The following CHURC1 variants were observed in gnomAD, a reference collection of about 807,000 sequenced individuals.
CHURC1 encodes protein Churchill.
In CHURC1, 12 loss-of-function variants were observed where a neutral mutation model predicts 15.4. That is an observed-to-expected ratio of 0.78 (90% CI 0.50 to 1.27). The LOEUF is 1.27. Ranked by LOEUF, CHURC1 falls within the 50% of genes most tolerant of loss-of-function variation. CHURC1 has a pLI of 0.00. For synonymous variants in CHURC1, 42 were observed against 47.5 expected (o/e 0.88, Z 0.48); for missense variants, 132 against 137.8 (o/e 0.96, Z 0.21).
At chr14:64,919,069 T>C (rs753343018) in intron 1 of CHURC1, among the ~76,000 whole-genome samples, 7 of 152,228 alleles carry the variant, frequency 4.6e-5, no homozygotes, top group Non-Finnish European at 7.3e-5. Context: ...TGAACCATAC[T>C]AATTTTCTGA....
chr14:64,917,986 A>T (rs797018527), intron 1 of CHURC1, among the ~76,000 whole-genome samples: 6 of 152,244 alleles, frequency 3.9e-5, no homozygotes, highest in African/African-American at 1.2e-4. Context: ...GGGTACAACT[A>T]TGTAGATAGA....
rs1008951828 is a variant in CHURC1 at position 64,932,593 on chromosome 14, A to G, written c.*363A>G. 2.2e-5 allele frequency: 8 copies of G among 356,162 alleles called. No homozygotes were observed. The highest frequency in any genetic ancestry group is 6.1e-5 in the Admixed American group (1 of 16,350). The allele number at this position is 356,162 out of a possible 1,614,324, so 22.1% of individuals were successfully genotyped here. A position where few individuals can be genotyped will look rare whatever the true frequency, so the allele number is the denominator to read the frequency against. ...CTAGAACTGGGATATGAACTGTACA[A>G]GATGAGCCTAGAGTATCTTGTGCCA... On this transcript the variant is annotated 3_prime_UTR_variant, in exon 4 of 4. Transcript: ENST00000549115.
chr14:64,920,041 G>A (rs550117872), intron 1 of CHURC1, among the ~76,000 whole-genome samples: 62 of 152,118 alleles, frequency 4.1e-4, no homozygotes, highest in Non-Finnish European at 8.1e-4. Flanking sequence ...AAGAAAAACC[G>A]TATTTTCCAT....
At position 64,932,276 on chromosome 14, in the gene CHURC1, A is replaced by G. The variant is rs759947536; in HGVS notation, c.*46A>G. 1 of 1,601,812 alleles carries G rather than the reference A, an allele frequency of 6.2e-7. No homozygotes were observed. Among genetic ancestry groups the G allele is most frequent in the East Asian group, 2.2e-5 (1 of 44,660 alleles). The stretch of plus-strand genomic sequence containing the variant: ...TATAACTATATTGTGTTGGTTTACA[A>G]TACAGCAAGCCTGATGGTTTGTCTT... On this transcript the variant is annotated 3_prime_UTR_variant, in exon 4 of 4. Coordinates refer to ENST00000549115, the MANE Select transcript of CHURC1 (RefSeq NM_001386928.1).
intron 3 of CHURC1, among the ~76,000 whole-genome samples, chr14:64,929,499 C>A (rs1056630841): frequency 1.3e-5 from 2 of 152,242 alleles, no homozygotes; most frequent in Non-Finnish European, 2.9e-5. Flanking sequence ...CTGTCCTTGT[C>A]CCCACCCTAC....
intron 1 of CHURC1, among the ~76,000 whole-genome samples, chr14:64,918,776 T>C (rs1362604205): frequency 6.6e-6 from 1 of 152,090 alleles, no homozygotes; most frequent in Non-Finnish European, 1.5e-5. Flanking sequence ...GAGGCTCCAG[T>C]GAGCTAAGAT....
intron 1 of CHURC1, among the ~76,000 whole-genome samples, chr14:64,917,580 CAAA>C (rs200372223): frequency 1.3e-5 from 2 of 151,156 alleles, no homozygotes; most frequent in Non-Finnish European, 3.0e-5. Flanking sequence ...AATAAACAAA[CAAA>C]AAAAAACCAC....
intron 1 of CHURC1, among the ~76,000 whole-genome samples, chr14:64,920,119 G>GA (rs1256773329): frequency 2.6e-5 from 4 of 151,614 alleles, no homozygotes; most frequent in East Asian, 1.9e-4. Flanking sequence ...TAATTTGCTG[G>GA]AAAAAAAATT....
chr14:64,923,787 CTTTTTTTT>C (rs60825476), intron 1 of CHURC1, among the ~76,000 whole-genome samples, 196 bp from the exon 2 acceptor site: 3 of 77,072 alleles, frequency 3.9e-5, no homozygotes, highest in African/African-American at 1.4e-4. Flanking sequence ...ACTTTAGTTG[CTTTTTTTT>C]TTTTTTTTTT....
chr14:64,926,230 T>TTTTTG (rs1884686623), intron 3 of CHURC1, 150 bp downstream of exon 3: 6 of 413,226 alleles, frequency 1.5e-5, no homozygotes, highest in African/African-American at 1.1e-4. Flanking sequence ...TTTTTTTTTT[T>TTTTTG]GAGATGGTGT....
chr14:64,925,392 G>T (rs184603147), intron 2 of CHURC1, among the ~76,000 whole-genome samples: 1 of 152,132 alleles, frequency 6.6e-6, no homozygotes, highest in African/African-American at 2.4e-5. Flanking sequence ...GTCCAGCTGG[G>T]ATGGGTGCGG....
intron 1 of CHURC1, among the ~76,000 whole-genome samples, chr14:64,915,374 G>A (rs1383952440): frequency 6.6e-5 from 10 of 152,194 alleles, no homozygotes; most frequent in Admixed American, 2.0e-4. Flanking sequence ...GGGAGTATGT[G>A]ACTAACAAAA....
intron 3 of CHURC1, among the ~76,000 whole-genome samples, chr14:64,929,136 ATCT>A (rs1408270852): frequency 6.6e-6 from 1 of 152,108 alleles, no homozygotes; most frequent in Non-Finnish European, 1.5e-5. Flanking sequence ...CATCAAGTTA[ATCT>A]TCTTAAACAT....
chr14:64,925,696 CAA>C (rs3033506), intron 2 of CHURC1, among the ~76,000 whole-genome samples: 11 of 66,170 alleles, frequency 1.7e-4, no homozygotes, highest in Admixed American at 1.9e-4. Context: ...GACCCGGCCT[CAA>C]AAAAAAAAAA....
chr14:64,926,829 A>G (rs751288838), intron 3 of CHURC1, among the ~76,000 whole-genome samples: 18 of 152,348 alleles, frequency 1.2e-4, no homozygotes, highest in Admixed American at 6.5e-4. Flanking sequence ...TTGTGAGAGT[A>G]TGTGAAGAAT....
Position 64,934,339 on chromosome 14 carries a change from C to A in CHURC1, c.*2109C>A. 1 of 785,290 alleles carries A rather than the reference C, an allele frequency of 1.3e-6. No individual in the cohort carries two copies. Among genetic ancestry groups the A allele is most frequent in the Non-Finnish European group, 1.5e-6 (1 of 647,306 alleles). 48.6% of individuals were successfully genotyped at this position (785,290 alleles called of 1,614,324 possible). A position where few individuals can be genotyped will look rare whatever the true frequency, so the allele number is the denominator to read the frequency against. ...CTCCAGCCTGGGAGACAGAGCAAGA[C>A]TCCATCTCAAAAACAAAAACAAAAC... On this transcript the variant is annotated 3_prime_UTR_variant, in exon 4 of 4. Coordinates refer to ENST00000549115, the MANE Select transcript of CHURC1 (RefSeq NM_001386928.1).
At chr14:64,920,398 C>A (rs4899152) in intron 1 of CHURC1, among the ~76,000 whole-genome samples, 40,202 of 151,958 alleles carry the variant, frequency 0.26, 6,079 homozygotes, top group African/African-American at 0.41. Flanking sequence ...GCCTGAAAAC[C>A]TTCCCTGAAT....
intron 2 of CHURC1, chr14:64,924,417 A>G (rs756395767): frequency 4.9e-6 from 1 of 203,652 alleles, no homozygotes; most frequent in Non-Finnish European, 9.9e-6. Context: ...TGCTGCCTTA[A>G]CAAGATATAC....
At chr14:64,929,842 G>A (rs1289243324) in intron 3 of CHURC1, among the ~76,000 whole-genome samples, 1 of 151,940 alleles carries the variant, frequency 6.6e-6, no homozygotes, top group Non-Finnish European at 1.5e-5. Flanking sequence ...GCAAGACTAG[G>A]GAGAAAGTGG....
Sources: gnomAD v4.1 joint callset for allele counts (sites outside exome capture counted in the v4.1 genomes callset) on GRCh38, gnomAD v4.1.1 for gene constraint, MANE v1.5 for transcripts, NCBI Gene and HGNC (gene_info 2026-07-23, HGNC 2026-07-21) for gene names.